The following ELMO1 variants were observed in gnomAD, a reference collection of about 807,000 sequenced individuals.
ELMO1 encodes engulfment and cell motility 1, also known as engulfment and cell motility protein 1.
ELMO1 carries 26 observed loss-of-function variants against 98.9 expected under a neutral mutation model. The ratio of observed to expected loss-of-function variants is 0.26; its 90% CI spans 0.19 to 0.36. The LOEUF is 0.36. Among genes scored for constraint, ELMO1 ranks in the 10% least tolerant of loss-of-function variants. ELMO1 has a pLI of 1.00. For synonymous variants in ELMO1, 346 were observed against 346.0 expected, an observed-to-expected ratio of 1.00 and a Z score of 0.00; for missense variants, 627 against 935.2, an observed-to-expected ratio of 0.67 and a Z score of 4.30.
rs1392445899 is a variant in ELMO1, at chr7:37,133,216, T to C, written c.1105A>G (p.Met369Val). ...LGFINHVNPAMDFTQTPPGML... is the reference protein window; with the variant it reads ...LGFINHVNPAVDFTQTPPGML... Reference sequence around the variant, plus strand: ...CCAGGTGGAGTCTGCGTGAAGTCCATGGCAGGGTTGACATGATTCTGTGAG... The same window carrying C: ...CCAGGTGGAGTCTGCGTGAAGTCCACGGCAGGGTTGACATGATTCTGTGAG... Residue 369 changes from methionine to valine, a missense_variant, in exon 14 of 22, where the codon ATG becomes GTG. Met to Val is a conservative substitution (Grantham distance 21). Coordinates refer to ENST00000310758, the MANE Select transcript of ELMO1 (RefSeq NM_014800.11). The C allele has an allele frequency of 1.9e-6, 3 of 1,611,450 alleles. No homozygotes were observed. Among genetic ancestry groups the C allele is most frequent in the East Asian group, 2.2e-5 (1 of 44,646 alleles).
At chr7:37,398,273 C>T (rs1187625604) in intron 1 of ELMO1, among the ~76,000 whole-genome samples, 2 of 152,208 alleles carry the variant, frequency 1.3e-5, no homozygotes, top group Non-Finnish European at 2.9e-5. Context: ...TGACACATAA[C>T]ATGCTAGTAA....
In ELMO1 at chr7:37,125,529, TGAA is replaced by T. The variant is rs1176427039; in HGVS notation, c.1191+7598_1191+7600del. Among the ~76,000 whole-genome samples the T allele has an allele frequency of 2.0e-5, 3 of 152,016 alleles. No individual in the cohort carries two copies. The East Asian group carries it at 5.8e-4, about 29-fold the overall frequency. On this transcript the variant is annotated intron_variant, in intron 14 of 21. Transcript: ENST00000310758. ...GACATTTATGCAGCCAACAGACACA[TGAA>T]GAAATGCTCATCATCACTGGCCATC...
chr7:36,973,400 C>G (rs919486448), intron 16 of ELMO1, among the ~76,000 whole-genome samples: 9 of 152,210 alleles, frequency 5.9e-5, no homozygotes. Context: ...GGCCCTATGT[C>G]TCTATCAGCT....
At chr7:36,943,760 T>C (rs1787247721) in intron 16 of ELMO1, among the ~76,000 whole-genome samples, 1 of 152,220 alleles carries the variant, frequency 6.6e-6, no homozygotes, top group Non-Finnish European at 1.5e-5. Flanking sequence ...TTGCAGAACA[T>C]ATTTTCATAA....
chr7:37,208,203 C>A (rs575434894), intron 13 of ELMO1, among the ~76,000 whole-genome samples: 1 of 152,236 alleles, frequency 6.6e-6, no homozygotes, highest in African/African-American at 2.4e-5. Context: ...CTGTGCTAGT[C>A]GCTGGTAGAC....
intron 14 of ELMO1, among the ~76,000 whole-genome samples, chr7:37,126,295 AT>A (rs1482222460): frequency 5.0e-5 from 5 of 100,916 alleles, no homozygotes; most frequent in African/African-American, 2.5e-4. Context: ...TTAAAGTATA[AT>A]TTAAATATAT....
At chr7:37,083,425 G>C (rs1783583167) in intron 15 of ELMO1, among the ~76,000 whole-genome samples, 1 of 151,920 alleles carries the variant, frequency 6.6e-6, no homozygotes, top group Admixed American at 6.6e-5. Context: ...GAAGAGCAAA[G>C]AAACCAGCAG....
intron 13 of ELMO1, among the ~76,000 whole-genome samples, chr7:37,134,477 T>C (rs1787133718): frequency 6.7e-6 from 1 of 150,260 alleles, no homozygotes; most frequent in South Asian, 2.1e-4. Context: ...GAGATTAGCT[T>C]GAACCTGGGA....
intron 16 of ELMO1, among the ~76,000 whole-genome samples, chr7:37,010,914 T>C (rs1793503655): frequency 6.6e-6 from 1 of 152,152 alleles, no homozygotes; most frequent in African/African-American, 2.4e-5. Flanking sequence ...ATGTAGAAAA[T>C]TAAAATTCCT....
chr7:36,873,621 G>A (rs888556927), intron 19 of ELMO1, among the ~76,000 whole-genome samples: 7 of 152,226 alleles, frequency 4.6e-5, no homozygotes, highest in African/African-American at 1.4e-4. Context: ...GGTGAAAAGA[G>A]CTGGGTTTAG....
In ELMO1 at chr7:37,225,026, G is replaced by C; in HGVS notation, c.554C>G (p.Ala185Gly). The C allele has an allele frequency of 6.2e-7, 1 of 1,614,016 alleles. No homozygotes were observed. The highest frequency in any genetic ancestry group is 8.5e-7 in the Non-Finnish European group (1 of 1,179,950). Residue 185 changes from alanine to glycine, a missense_variant, in exon 9 of 22, where the codon GCA (alanine) becomes GGA (glycine). Coordinates refer to ENST00000310758, the MANE Select transcript of ELMO1 (RefSeq NM_014800.11). The stretch of plus-strand genomic sequence containing the variant: ...TATGGCTGACTTGTTCACAAAACTT[G>C]CTATCTGAAAATCCAAGTGGGACAC... Reference protein sequence around the residue: ...TFSVAFIKKIASFVNKSAIDI... With the variant: ...TFSVAFIKKIGSFVNKSAIDI...
intron 15 of ELMO1, among the ~76,000 whole-genome samples, chr7:37,017,996 A>G (rs1794042161): frequency 6.6e-6 from 1 of 152,116 alleles, no homozygotes; most frequent in Non-Finnish European, 1.5e-5. Flanking sequence ...ACCCCCCTGA[A>G]CCTGTTTCCT....
intron 1 of ELMO1, among the ~76,000 whole-genome samples, chr7:37,360,574 T>A (rs1319717249): frequency 6.6e-6 from 1 of 152,208 alleles, no homozygotes; most frequent in East Asian, 1.9e-4. Flanking sequence ...AGAATCTGCC[T>A]GTGGGTAGTC....
intron 16 of ELMO1, among the ~76,000 whole-genome samples, chr7:36,991,116 G>C (rs1482727908): frequency 6.6e-6 from 1 of 152,182 alleles, no homozygotes; most frequent in Non-Finnish European, 1.5e-5. Flanking sequence ...GCTGCAACCA[G>C]TTTTGTTTGA....
intron 1 of ELMO1, among the ~76,000 whole-genome samples, chr7:37,373,840 A>G (rs140562692): frequency 6.6e-6 from 1 of 152,238 alleles, no homozygotes; most frequent in South Asian, 2.1e-4. Context: ...AGGGAGGCCT[A>G]CTCTGAGCTC....
chr7:37,115,950 T>C (rs780655930), intron 14 of ELMO1, among the ~76,000 whole-genome samples: 1 of 152,192 alleles, frequency 6.6e-6, no homozygotes, highest in African/African-American at 2.4e-5. Context: ...GAGATGTTAA[T>C]AACAGAGAAA....
At chr7:37,163,343 T>TTGG (rs1554430067) in intron 13 of ELMO1, among the ~76,000 whole-genome samples, 1 of 149,848 alleles carries the variant, frequency 6.7e-6, no homozygotes, top group Non-Finnish European at 1.5e-5. Context: ...TGTTCTTTTT[T>TTGG]TTTTTTTTTA....
intron 1 of ELMO1, among the ~76,000 whole-genome samples, chr7:37,378,660 G>C (rs1322729332): frequency 6.6e-6 from 1 of 151,622 alleles, no homozygotes; most frequent in Non-Finnish European, 1.5e-5. Flanking sequence ...CTATATTCTT[G>C]ACTCTGTGCC....
intron 15 of ELMO1, among the ~76,000 whole-genome samples, chr7:37,066,531 C>T (rs373444875): frequency 2.0e-5 from 3 of 152,264 alleles, no homozygotes; most frequent in African/African-American, 7.2e-5. Context: ...GGCCAGTAGG[C>T]CTCTGTGCCT....
Sources: gnomAD v4.1 joint callset for allele counts (sites outside exome capture counted in the v4.1 genomes callset) on GRCh38, gnomAD v4.1.1 for gene constraint, MANE v1.5 for transcripts, NCBI Gene and HGNC (gene_info 2026-07-23, HGNC 2026-07-21) for gene names.